TRPM3: variants seen among roughly 807,000 people sequenced by gnomAD.
TRPM3 encodes the protein transient receptor potential cation channel subfamily M member 3.
A neutral mutation model predicts 181.2 loss-of-function variants in TRPM3; 77 were observed. The ratio of observed to expected loss-of-function variants is 0.42; its 90% confidence interval spans 0.35 to 0.51. TRPM3 has a LOEUF of 0.51. Among genes scored for constraint, TRPM3 ranks in the 20% least tolerant of loss-of-function variants. TRPM3 has a pLI of 0.01. For missense variants in TRPM3, 1,759 were observed against 2,196.7 expected, an observed-to-expected ratio of 0.80 and a Z score of 3.98; for synonymous variants, 745 against 796.4, an observed-to-expected ratio of 0.94 and a Z score of 1.09.
rs1161842381 is a variant in TRPM3 at position 71,353,403 on chromosome 9, G to T, written c.183+93250C>A. On this transcript the variant is annotated intron_variant, in intron 1 of 24. Coordinates refer to the TRPM3 transcript ENST00000357533. ...TTGAGTAAATGGGTGAATGCATAAA[G>T]GTAAGAGATGTCCAAGGCCCCTACT... 3.3e-5 allele frequency among the ~76,000 whole-genome samples: 5 copies of T among 152,188 alleles called. No homozygotes were observed. In the East Asian group the frequency reaches 9.7e-4, roughly 30 times the overall value.
intron 1 of TRPM3, among the ~76,000 whole-genome samples, chr9:71,107,679 C>T (rs561773870): frequency 9.9e-5 from 15 of 152,232 alleles, no homozygotes; most frequent in Admixed American, 9.8e-4. Flanking sequence ...AATTGCTATA[C>T]ACTTAAAAAC....
chr9:70,805,233 G>A (rs151217868), intron 6 of TRPM3, among the ~76,000 whole-genome samples: 2,496 of 149,230 alleles, frequency 0.017, 43 homozygotes, highest in Non-Finnish European at 0.027. Context: ...GGTGGGGGAG[G>A]TGGTGGTGGG....
At chr9:71,069,780 G>A (rs537251379) in intron 1 of TRPM3, among the ~76,000 whole-genome samples, 2 of 151,822 alleles carry the variant, frequency 1.3e-5, no homozygotes, top group South Asian at 2.1e-4. Context: ...AGCTAATTTT[G>A]TATTTTTAAT....
chr9:70,757,704 C>T (rs1197699590), intron 8 of TRPM3, among the ~76,000 whole-genome samples: 1 of 152,136 alleles, frequency 6.6e-6, no homozygotes, highest in Non-Finnish European at 1.5e-5. Flanking sequence ...TAATCCAACA[C>T]ATAAACAGAA....
intron 25 of TRPM3, among the ~76,000 whole-genome samples, chr9:70,547,285 A>T (rs903441984): frequency 6.6e-6 from 1 of 152,186 alleles, no homozygotes; most frequent in Admixed American, 6.5e-5. Context: ...AAATGTGTGT[A>T]TATACATACA....
At chr9:70,777,147 A>G (rs1034113481) in intron 7 of TRPM3, among the ~76,000 whole-genome samples, 3 of 152,182 alleles carry the variant, frequency 2.0e-5, no homozygotes, top group African/African-American at 7.2e-5. Context: ...GCACTTTCTG[A>G]AAGTTGTAGA....
At chr9:70,573,847 G>C (rs545903200) in intron 22 of TRPM3, among the ~76,000 whole-genome samples, 1 of 152,110 alleles carries the variant, frequency 6.6e-6, no homozygotes, top group Admixed American at 6.5e-5. Flanking sequence ...CAAACAGCCT[G>C]GAAGCCAGCA....
Position 70,955,745 on chromosome 9 carries a change from C to A in TRPM3, c.178-91234G>T, listed in dbSNP as rs114120799. On this transcript the variant is annotated intron_variant, in intron 1 of 25. Coordinates refer to ENST00000677713, the MANE Select transcript of TRPM3 (RefSeq NM_001366145.2). ...ACTTTTGATCTGGGCAAATTACCTA[C>A]AGTATAAGCCCCATGAACTCCAGGT... 2.6e-3 allele frequency among the ~76,000 whole-genome samples: 403 copies of A among 152,220 alleles called. 4 individuals carry two copies. Among genetic ancestry groups the A allele is most frequent in the African/African-American group, 9.3e-3 (387 of 41,542 alleles).
chr9:71,289,909 A>G (rs1168613461), intron 1 of TRPM3, among the ~76,000 whole-genome samples: 1 of 150,246 alleles, frequency 6.7e-6, no homozygotes, highest in Non-Finnish European at 1.5e-5. Context: ...AAAGCTAGAT[A>G]AGAACTAGAT....
chr9:70,785,084 G>GATATGGTATCTGC lies in TRPM3; in HGVS notation c.974-818_974-806dup, dbSNP rs529564019. ...GATTGTCATGTTGAATTACCCAGGA[G>GATATGGTATCTGC]ATATGGTATCTGCCATCTGCCATTA... On this transcript the variant is annotated intron_variant, in intron 6 of 25. Coordinates refer to ENST00000677713, the MANE Select transcript of TRPM3 (RefSeq NM_001366145.2). Among the ~76,000 whole-genome samples, 256 of 152,290 alleles carry GATATGGTATCTGC rather than the reference G, an allele frequency of 1.7e-3. 1 individual carries two copies. Among genetic ancestry groups the GATATGGTATCTGC allele is most frequent in the Admixed American group, 3.2e-3 (49 of 15,288 alleles).
chr9:70,889,715 G>A (rs960018353), intron 1 of TRPM3, among the ~76,000 whole-genome samples: 3 of 152,018 alleles, frequency 2.0e-5, no homozygotes, highest in African/African-American at 7.2e-5. Context: ...AGGTATAAGA[G>A]CAAGCTTATA....
chr9:71,404,353 A>T (rs993067063), intron 1 of TRPM3, among the ~76,000 whole-genome samples: 5 of 152,232 alleles, frequency 3.3e-5, no homozygotes, highest in African/African-American at 1.2e-4. Context: ...ATCAACCTTA[A>T]TCAGATGCAT....
intron 1 of TRPM3, among the ~76,000 whole-genome samples, chr9:71,340,850 C>T (rs2090913508): frequency 1.3e-5 from 2 of 152,068 alleles, no homozygotes; most frequent in South Asian, 4.1e-4. Flanking sequence ...TAGAAGTGGT[C>T]ATTCTAGAGG....
chr9:70,764,783 C>G (rs12684073), intron 7 of TRPM3, among the ~76,000 whole-genome samples: 23,191 of 152,062 alleles, frequency 0.15, 2,353 homozygotes, highest in East Asian at 0.39. Context: ...AAATAACTGC[C>G]CTTTCTGATT....
At chr9:71,378,697 A>C (rs1262676308) in intron 1 of TRPM3, among the ~76,000 whole-genome samples, 1 of 152,044 alleles carries the variant, frequency 6.6e-6, no homozygotes, top group Non-Finnish European at 1.5e-5. Context: ...AATTGTCAAA[A>C]CATTTGATTT....
Position 70,591,155 on chromosome 9 carries a change from G to A in TRPM3, c.3099C>T (p.Ser1033=). ...GGATGGCTTGCCTGGCGACCCCAAA[G>A]CTCATCAGAACCACCAGCATAATGA... The part of the protein sequence containing the change: ...FVIIMLVVLM[S]FGVARQAILF... The change falls in exon 22 of 26, where the codon AGC becomes AGT. Residue 1033 remains serine, a synonymous_variant. Transcript: ENST00000677713. The A allele has an allele frequency of 6.2e-7, 1 of 1,613,982 alleles. No individual in the cohort carries two copies. The highest frequency in any genetic ancestry group is 8.5e-7 in the Non-Finnish European group (1 of 1,179,934).
chr9:71,445,494 T>C (rs957808047), intron 1 of TRPM3, among the ~76,000 whole-genome samples: 12 of 152,214 alleles, frequency 7.9e-5, no homozygotes, highest in Non-Finnish European at 1.5e-5. Flanking sequence ...AAACATTAAG[T>C]ATTTGAGAAA....
At chr9:70,700,088 T>A (rs2071930349) in intron 8 of TRPM3, among the ~76,000 whole-genome samples, 1 of 152,178 alleles carries the variant, frequency 6.6e-6, no homozygotes, top group South Asian at 2.1e-4. Context: ...GTTCAAGCGA[T>A]TCTCCTGCCT....
upstream of TRPM3, among the ~76,000 whole-genome samples, chr9:71,124,716 C>T (rs1318298227): frequency 6.6e-6 from 1 of 152,162 alleles, no homozygotes; most frequent in Non-Finnish European, 1.5e-5. Context: ...CGTTCCTTCT[C>T]TTCAAAAGTC....
Sources: gnomAD v4.1 joint callset for allele counts (sites outside exome capture counted in the v4.1 genomes callset) on GRCh38, gnomAD v4.1.1 for gene constraint, MANE v1.5 for transcripts, NCBI Gene and HGNC (gene_info 2026-07-23, HGNC 2026-07-21) for gene names.